The following RIMBP2 variants were observed in gnomAD, a reference collection of about 807,000 sequenced individuals.
RIMBP2 encodes the protein RIMS binding protein 2, also known as RIMS-binding protein 2.
In RIMBP2, 48 loss-of-function variants were observed where a neutral mutation model predicts 118.6. The observed-to-expected ratio is 0.40, with a 90% CI of 0.32 to 0.51. RIMBP2 has a LOEUF of 0.51. Among genes scored for constraint, RIMBP2 ranks in the 20% least tolerant of loss-of-function variants. The probability of loss-of-function intolerance (pLI) is 0.41; values close to 1 mark genes in which losing one functional copy is unlikely to be tolerated. For missense variants in RIMBP2, 1,551 were observed against 1,768.3 expected, an observed-to-expected ratio of 0.88 and a Z score of 2.20; for synonymous variants, 762 against 742.9, an observed-to-expected ratio of 1.03 and a Z score of -0.42.
intron 15 of RIMBP2, 151 bp from the exon 16 acceptor site, chr12:130,425,009 C>T (rs1025893757): frequency 8.9e-5 from 38 of 424,754 alleles, no homozygotes; most frequent in Non-Finnish European, 1.1e-4. Context: ...GGGGGCATGC[C>T]GTGGAGGGCT....
intron 4 of RIMBP2, among the ~76,000 whole-genome samples, chr12:130,481,114 CA>C (rs1337350845): frequency 1.5e-5 from 2 of 130,598 alleles, no homozygotes; most frequent in Non-Finnish European, 3.4e-5. Context: ...CACCCAGGCT[CA>C]GGGGGAGGGG....
intron 13 of RIMBP2, among the ~76,000 whole-genome samples, chr12:130,436,509 G>T (rs1261508118): frequency 1.3e-5 from 2 of 152,188 alleles, no homozygotes; most frequent in East Asian, 3.9e-4. Flanking sequence ...GTTCAGGAAA[G>T]TGGGTCCTGG....
chr12:130,608,326 C>T (rs1344659911), intron 2 of RIMBP2, among the ~76,000 whole-genome samples: 1 of 152,244 alleles, frequency 6.6e-6, no homozygotes, highest in Non-Finnish European at 1.5e-5. Context: ...CACAGGGGGT[C>T]GCAGACAGCA....
At chr12:130,512,937 C>G (rs1452488446) in intron 3 of RIMBP2, among the ~76,000 whole-genome samples, 1 of 152,066 alleles carries the variant, frequency 6.6e-6, no homozygotes, top group Non-Finnish European at 1.5e-5. Flanking sequence ...CTCACGAATC[C>G]CAAATGTCTA....
intron 2 of RIMBP2, among the ~76,000 whole-genome samples, chr12:130,528,643 A>G (rs539810425): frequency 4.9e-4 from 75 of 152,238 alleles, no homozygotes; most frequent in Middle Eastern, 3.2e-3. Flanking sequence ...TACTTCATCA[A>G]CTTACATGTA....
chr12:130,676,922 C>CATT (rs1566449315), intron 1 of RIMBP2, among the ~76,000 whole-genome samples: 52 of 152,228 alleles, frequency 3.4e-4, no homozygotes, highest in African/African-American at 1.2e-3. Flanking sequence ...CGGGAAAAAG[C>CATT]CTGTGGCTTA....
intron 2 of RIMBP2, among the ~76,000 whole-genome samples, chr12:130,590,842 C>T (rs1406861593): frequency 6.6e-6 from 1 of 152,170 alleles, no homozygotes; most frequent in African/African-American, 2.4e-5. Context: ...CAATCCTCAC[C>T]CCCAAGGTGT....
intron 2 of RIMBP2, among the ~76,000 whole-genome samples, chr12:130,627,688 T>G (rs2061727686): frequency 6.6e-6 from 1 of 152,110 alleles, no homozygotes; most frequent in Non-Finnish European, 1.5e-5. Context: ...GCCAAAAATA[T>G]GAAGGCCATT....
In RIMBP2 at chr12:130,441,829, G is replaced by A. The variant is rs757797182; in HGVS notation, c.1504+19C>T. Reference sequence around the variant, plus strand: ...GGCGTTCTCTCCCTGGGGGACCCACGGAAGGACACAGGGCTCACCTGCAGG... The same window carrying A: ...GGCGTTCTCTCCCTGGGGGACCCACAGAAGGACACAGGGCTCACCTGCAGG... On this transcript the variant is annotated intron_variant, in intron 11 of 22. Coordinates refer to ENST00000690449, the MANE Select transcript of RIMBP2 (RefSeq NM_001393629.1). The A allele has an allele frequency of 3.6e-5, 57 of 1,605,422 alleles. No individual in the cohort carries two copies. The highest frequency in any genetic ancestry group is 6.7e-5 in the East Asian group (3 of 44,754).
chr12:130,616,146 C>T (rs1464754747), intron 2 of RIMBP2, among the ~76,000 whole-genome samples: 1 of 152,182 alleles, frequency 6.6e-6, no homozygotes, highest in Admixed American at 6.5e-5. Flanking sequence ...TCCGCCTGCA[C>T]GTTTCCCACC....
chr12:130,442,341 C>A lies in RIMBP2; in HGVS notation c.1011G>T (p.Pro337=). 6.2e-7 allele frequency: 1 copy of A among 1,614,204 alleles called. No individual in the cohort carries two copies. The highest frequency in any genetic ancestry group is 8.5e-7 in the Non-Finnish European group (1 of 1,180,038). ...AKSVIVGWEP[P]AVPPGWGTVS... ...CCGTTCCCCATCCTGGTGGCACCGCCGGGGGCTCCCAGCCCACAATAACAC... is the reference window on the plus strand; with the variant it reads ...CCGTTCCCCATCCTGGTGGCACCGCAGGGGGCTCCCAGCCCACAATAACAC... The change falls in exon 11 of 23, where the codon CCG becomes CCT. Residue 337 remains proline (P), a synonymous_variant. Transcript: ENST00000690449. This position sits in a 1 kb window ranked among gnomAD's most constrained non-coding sequence, Gnocchi z 6.9.
At chr12:130,544,518 T>A (rs2054919104) in intron 2 of RIMBP2, among the ~76,000 whole-genome samples, 1 of 151,586 alleles carries the variant, frequency 6.6e-6, no homozygotes, top group Non-Finnish European at 1.5e-5. Flanking sequence ...AGCACGCTGG[T>A]CATGTTTTAC....
At chr12:130,409,412 G>A (rs573174507) in intron 19 of RIMBP2, among the ~76,000 whole-genome samples, 44 of 126,948 alleles carry the variant, frequency 3.5e-4, no homozygotes, top group African/African-American at 6.6e-4. Context: ...GCGCGATCCC[G>A]GCTCACTGCA....
intron 2 of RIMBP2, among the ~76,000 whole-genome samples, chr12:130,611,112 CG>C (rs1410394522): frequency 6.6e-6 from 1 of 152,192 alleles, no homozygotes; most frequent in East Asian, 1.9e-4. Context: ...CTAGCCAGGC[CG>C]CCCAAAGCGG....
chr12:130,571,335 A>T (rs1192720232), intron 2 of RIMBP2, among the ~76,000 whole-genome samples: 1 of 151,292 alleles, frequency 6.6e-6, no homozygotes, highest in Non-Finnish European at 1.5e-5. Context: ...CTGACACTAG[A>T]TGTTTAGTGG....
At chr12:130,618,491 C>T (rs901294963) in intron 2 of RIMBP2, among the ~76,000 whole-genome samples, 7 of 152,268 alleles carry the variant, frequency 4.6e-5, no homozygotes, top group South Asian at 2.1e-4. Flanking sequence ...TTAGGTTTCT[C>T]GCCCTCCCTG....
chr12:130,442,266 C>A lies in RIMBP2; in HGVS notation c.1086G>T (p.Thr362=), dbSNP rs766016830. Residue 362 remains threonine, a synonymous_variant, in exon 11 of 23, where the codon ACG becomes ACT. Transcript: ENST00000690449. This position sits in a 1 kb window ranked among gnomAD's most constrained non-coding sequence, Gnocchi z 6.9. ...TGAGGGCTTTAGTTCTGCTCCCCAG[C>A]GTGAGGTTCATGCGTGTCTCCTTGT... ...LVDKETRMNL[T]LGSRTKALIE... is the part of the protein sequence containing the mutation. 3 of 1,614,176 alleles carry A rather than the reference C, an allele frequency of 1.9e-6. No homozygotes were observed. Among genetic ancestry groups the A allele is most frequent in the Non-Finnish European group, 2.5e-6 (3 of 1,180,040 alleles).
In RIMBP2 at chr12:130,622,591, G is replaced by A. The variant is rs111344967; in HGVS notation, c.-217+5731C>T. Among the ~76,000 whole-genome samples, 900 of 152,198 alleles carry A rather than the reference G, an allele frequency of 5.9e-3. 8 individuals carry two copies. Among genetic ancestry groups the A allele is most frequent in the African/African-American group, 0.02 (849 of 41,516 alleles). ...GATCCTCCCACCTTTGCCTCCCACA[G>A]TGCTGGGAATACAGAAATGAGCCAC... On this transcript the variant is annotated intron_variant, in intron 2 of 22. Transcript: ENST00000690449. The surrounding 1 kb of genome is among the most constrained non-coding windows in gnomAD (Gnocchi z 8.5).
In RIMBP2 at chr12:130,649,403, G is replaced by A. The variant is rs142749744; in HGVS notation, c.-351-20947C>T. ...TGGGGCCTCATGGCCTCCGCATCCA[G>A]CCAGTGGGGTACTGGGAAGGGCGGC... is the stretch of plus-strand genomic sequence containing the variant. On this transcript the variant is annotated intron_variant, in intron 1 of 22. Transcript: ENST00000690449. Among the ~76,000 whole-genome samples the A allele has an allele frequency of 3.6e-3, 541 of 152,298 alleles. 4 individuals are homozygous for A. Among genetic ancestry groups the A allele is most frequent in the African/African-American group, 0.012 (506 of 41,556 alleles).
Sources: gnomAD v4.1 joint callset for allele counts (sites outside exome capture counted in the v4.1 genomes callset) on GRCh38, gnomAD v4.1.1 for gene constraint, Gnocchi (gnomAD v3.1) non-coding constraint, MANE v1.5 for transcripts, NCBI Gene and HGNC (gene_info 2026-07-23, HGNC 2026-07-21) for gene names.